The following MICALL1 variants were observed in gnomAD, a reference collection of about 807,000 sequenced individuals.
MICALL1 encodes MICAL like 1.
Under a neutral mutation model 83.7 loss-of-function variants are expected in MICALL1, and 61 were observed. That is an observed-to-expected ratio of 0.73 (90% CI 0.59 to 0.90). The LOEUF is 0.90. Ranked by LOEUF, MICALL1 falls within the 40% of genes least tolerant of loss-of-function variation. The pLI is 0.00. For missense variants in MICALL1, 1,066 were observed against 1,152.0 expected (o/e 0.93, Z 1.08); for synonymous variants, 481 against 473.6 (o/e 1.02, Z -0.20).
At position 37,932,061 on chromosome 22, in the gene MICALL1, A is replaced by G; in HGVS notation, c.2016+128A>G. On this transcript the variant is annotated intron_variant, in intron 10 of 15. Transcript: ENST00000215957. This position sits in a 1 kb window ranked among gnomAD's most constrained non-coding sequence, Gnocchi z 4.4. Reference sequence around the variant, plus strand: ...GCAGTGGGCCTCAGATGCTCAAGAGAGCACTCTTGGCGGCCCAACTGGAAG... The same window carrying G: ...GCAGTGGGCCTCAGATGCTCAAGAGGGCACTCTTGGCGGCCCAACTGGAAG... 7.2e-7 allele frequency: 1 copy of G among 1,389,988 alleles called. No individual in the cohort carries two copies. Among genetic ancestry groups the G allele is most frequent in the African/African-American group, 1.4e-5 (1 of 68,996 alleles). The allele number at this position is 1,389,988 out of a possible 1,614,324, so 86.1% of individuals were successfully genotyped here. A position where few individuals can be genotyped will look rare whatever the true frequency, so the allele number is the denominator to read the frequency against.
chr22:37,921,908 AG>A, intron 5 of MICALL1, 63 bp from the exon 6 acceptor site: 1 of 1,462,114 alleles, frequency 6.8e-7, no homozygotes, highest in Non-Finnish European at 9.2e-7. Flanking sequence ...GTGCGGCTGG[AG>A]GGGTAGCCAG....
chr22:37,932,597 G>T lies in MICALL1; in HGVS notation c.2061G>T (p.Glu687Asp). The change falls in exon 11 of 16, where the codon GAG (glutamate) becomes GAT (aspartate). Residue 687 changes from glutamate (E) to aspartate (D), a missense_variant. Coordinates refer to ENST00000215957, the MANE Select transcript of MICALL1 (RefSeq NM_033386.4). This position sits in a 1 kb window ranked among gnomAD's most constrained non-coding sequence, Gnocchi z 4.4. The stretch of plus-strand genomic sequence containing the variant: ...TCCCTGAGGAGGACATCCATGGAGA[G>T]ATGGATACCATTGAGCGCCGGCTGG... ...QYIPEEDIHG[E>D]MDTIERRLDA... 4 of 1,614,196 alleles carry T rather than the reference G, an allele frequency of 2.5e-6. No homozygotes were observed. Among genetic ancestry groups the T allele is most frequent in the Non-Finnish European group, 3.4e-6 (4 of 1,180,026 alleles).
chr22:37,912,632 C>A, intron 3 of MICALL1, 140 bp downstream of exon 3: 11 of 696,292 alleles, frequency 1.6e-5, no homozygotes, highest in Non-Finnish European at 2.1e-5. Flanking sequence ...TTAATTCACT[C>A]ATTGAAATAT....
rs577321377 is a variant in MICALL1 at position 37,919,017 on chromosome 22, C to T, written c.427-19C>T. 103 of 1,534,490 alleles carry T rather than the reference C, an allele frequency of 6.7e-5. No homozygotes were observed. In the East Asian group the frequency reaches 2.3e-3, roughly 34 times the overall value. The stretch of plus-strand genomic sequence containing the variant: ...TGACCATGTCCTGCTCCCAACCTCC[C>T]CCACCTCGTTCTCTGCAGGGCGAGG... On this transcript the variant is annotated intron_variant, in intron 4 of 15. Coordinates refer to ENST00000215957, the MANE Select transcript of MICALL1 (RefSeq NM_033386.4).
At chr22:37,922,536 G>A (rs1929117944) in intron 6 of MICALL1, 110 bp downstream of exon 6, 2 of 690,862 alleles carry the variant, frequency 2.9e-6, no homozygotes, top group South Asian at 2.0e-5. Context: ...GTGCCATTGT[G>A]TGCTGTGCTG....
intron 9 of MICALL1, 144 bp from the exon 10 acceptor site, chr22:37,931,655 G>A (rs1236004092): frequency 1.2e-5 from 11 of 909,660 alleles, no homozygotes; most frequent in African/African-American, 3.3e-5. Flanking sequence ...CATCAGAGAC[G>A]GAATTCAAGG....
chr22:37,937,793 G>T lies in MICALL1; in HGVS notation c.2470+1G>T, dbSNP rs1350268483. On this transcript the variant is annotated splice_donor_variant, in intron 15 of 15. Coordinates refer to ENST00000215957, the MANE Select transcript of MICALL1 (RefSeq NM_033386.4). LOFTEE classifies it high-confidence loss of function. ...TTGGAAGCCATGATCAAGAAGAAAG[G>T]TGAGGCCCTTGCTGGGGATGAGGCT... 1 of 1,613,508 alleles carries T rather than the reference G, an allele frequency of 6.2e-7. No homozygotes were observed. Among genetic ancestry groups the T allele is most frequent in the Non-Finnish European group, 8.5e-7 (1 of 1,179,556 alleles).
rs776672075 is a variant in MICALL1, at chr22:37,927,659, G to A, written c.1714G>A (p.Glu572Lys). Residue 572 changes from glutamate to lysine, a missense_variant, in exon 9 of 16, where the codon GAA (glutamate) becomes AAA (lysine). Coordinates refer to ENST00000215957, the MANE Select transcript of MICALL1 (RefSeq NM_033386.4). ...TGGGGAACTAGTGGAGCCTAGAGTGGAACAAATGCCTCAAGCCAGCCCTGG... is the reference window on the plus strand; with the variant it reads ...TGGGGAACTAGTGGAGCCTAGAGTGAAACAAATGCCTCAAGCCAGCCCTGG... ...SSGELVEPRV[E>K]QMPQASPGLA... 3 of 1,614,152 alleles carry A rather than the reference G, an allele frequency of 1.9e-6. No individual in the cohort carries two copies. Among genetic ancestry groups the A allele is most frequent in the East Asian group, 2.2e-5 (1 of 44,862 alleles).
chr22:37,919,030 C>G lies in MICALL1; in HGVS notation c.427-6C>G. 6.5e-7 allele frequency: 1 copy of G among 1,546,524 alleles called. No individual in the cohort carries two copies. Among genetic ancestry groups the G allele is most frequent in the Middle Eastern group, 1.7e-4 (1 of 5,982 alleles). ...CTCCCAACCTCCCCCACCTCGTTCTCTGCAGGGCGAGGAGCTCTCCTCAGG... is the reference window on the plus strand; with the variant it reads ...CTCCCAACCTCCCCCACCTCGTTCTGTGCAGGGCGAGGAGCTCTCCTCAGG... On this transcript the variant is annotated splice_polypyrimidine_tract_variant and splice_region_variant and intron_variant, in intron 4 of 15. Transcript: ENST00000215957.
chr22:37,915,385 A>G (rs888600327), intron 3 of MICALL1, among the ~76,000 whole-genome samples: 2 of 152,220 alleles, frequency 1.3e-5, no homozygotes, highest in East Asian at 1.9e-4. Context: ...TGTATATTTT[A>G]ATAGAAAACA....
rs749876730 is a variant in MICALL1, at chr22:37,912,376, T to TG, written c.225dup (p.Ile76AspfsTer9). On this transcript the variant is annotated frameshift_variant, in exon 3 of 16. Transcript: ENST00000215957. LOFTEE classifies it high-confidence loss of function. Reference sequence around the variant, plus strand: ...GCCTTTGAAGTGGCTGAGAAGGAGCTGGGGATCCCCGCTCTCCTGGACCCC... The same window carrying TG: ...GCCTTTGAAGTGGCTGAGAAGGAGCTGGGGGATCCCCGCTCTCCTGGACCCC... 6.2e-7 allele frequency: 1 copy of TG among 1,613,312 alleles called. No individual in the cohort carries two copies. The highest frequency in any genetic ancestry group is 8.5e-7 in the Non-Finnish European group (1 of 1,179,380).
At position 37,924,839 on chromosome 22, in the gene MICALL1, A is replaced by T. The variant is rs982238486; in HGVS notation, c.1082+122A>T. 45 of 946,642 alleles carry T rather than the reference A, an allele frequency of 4.8e-5. No homozygotes were observed. The African/African-American group carries it at 7.0e-4, about 15-fold the overall frequency. 58.6% of individuals were successfully genotyped at this position (946,642 alleles called of 1,614,324 possible). On this transcript the variant is annotated intron_variant, in intron 7 of 15. Transcript: ENST00000215957. This position sits in a 1 kb window ranked among gnomAD's most constrained non-coding sequence, Gnocchi z 5.2. ...TGGGCAGGGCGGGGCTCAGGAGGGG[A>T]AGGAGAGCTGGGCCCACACCCCTTC...
rs770406413 is a variant in MICALL1 at position 37,940,772 on chromosome 22, T to A, written c.2534T>A (p.Leu845Ter). ...GGGAAGTTCAAGACCATGAAGATGT[T>A]GAAACTGCTAGGAAACAAACGTGAT... ...KKGKFKTMKM[L>*]KLLGNKRDAK... Residue 845 changes from leucine to a stop codon, truncating the protein, a stop_gained, in exon 16 of 16, where the codon TTG becomes TAG. Transcript: ENST00000215957. LOFTEE classifies it high-confidence loss of function. 1 of 1,614,114 alleles carries A rather than the reference T, an allele frequency of 6.2e-7. No homozygotes were observed. The highest frequency in any genetic ancestry group is 8.5e-7 in the Non-Finnish European group (1 of 1,179,996).
In MICALL1 at chr22:37,927,591, G is replaced by A; in HGVS notation, c.1646G>A (p.Gly549Glu). ...EPAVHAPGTP[G>E]NPVSLSTNSS... is the part of the protein sequence containing the mutation. Reference sequence around the variant, plus strand: ...GCTGTCCATGCCCCTGGTACCCCTGGAAACCCTGTCAGCCTCTCTACCAAC... The same window carrying A: ...GCTGTCCATGCCCCTGGTACCCCTGAAAACCCTGTCAGCCTCTCTACCAAC... The change falls in exon 9 of 16, where the codon GGA becomes GAA. Residue 549 changes from glycine to glutamate, a missense_variant. Coordinates refer to ENST00000215957, the MANE Select transcript of MICALL1 (RefSeq NM_033386.4). 1.2e-6 allele frequency: 2 copies of A among 1,613,468 alleles called. No individual in the cohort carries two copies. Among genetic ancestry groups the A allele is most frequent in the Non-Finnish European group, 1.7e-6 (2 of 1,179,440 alleles).
Position 37,926,088 on chromosome 22 carries a change from G to A in MICALL1, c.1465+45G>A, listed in dbSNP as rs762993525. ...CTCTCCTGACAGTCGGAACTCGGGG[G>A]TGGGGCCCGGGCCTGGGGAGGGGGT... On this transcript the variant is annotated intron_variant, in intron 8 of 15. Transcript: ENST00000215957. The A allele has an allele frequency of 2.0e-6, 3 of 1,535,492 alleles. No individual in the cohort carries two copies. In the South Asian group the frequency reaches 3.7e-5, roughly 19 times the overall value.
In MICALL1 at chr22:37,942,103, G is replaced by A. The variant is rs930798126; in HGVS notation, c.*1273G>A. 6 of 152,300 alleles carry A rather than the reference G, an allele frequency of 3.9e-5. No individual in the cohort carries two copies. Among genetic ancestry groups the A allele is most frequent in the African/African-American group, 4.8e-5 (2 of 41,466 alleles). The allele number at this position is 152,300 out of a possible 1,614,324, so 9.4% of individuals were successfully genotyped here. ...GGCTGAACATCTCTGGTCGCCCAGA[G>A]GCCATGTTGGGGCCATCCTCCAAGA... On this transcript the variant is annotated 3_prime_UTR_variant, in exon 16 of 16. Coordinates refer to ENST00000215957, the MANE Select transcript of MICALL1 (RefSeq NM_033386.4).
intron 6 of MICALL1, 21 bp downstream of exon 6, chr22:37,922,447 G>C: frequency 6.7e-7 from 1 of 1,483,372 alleles, no homozygotes; most frequent in South Asian, 1.3e-5. Context: ...TGCAGTCAGG[G>C]CAGGGGGCAC....
chr22:37,933,067 C>T lies in MICALL1; in HGVS notation c.2263C>T (p.Gln755Ter). Residue 755 changes from glutamine (Q) to a stop codon, truncating the protein, a stop_gained, in exon 13 of 16, where the codon CAG (glutamine) becomes TAG (stop). Coordinates refer to ENST00000215957, the MANE Select transcript of MICALL1 (RefSeq NM_033386.4). LOFTEE classifies it high-confidence loss of function. The stretch of plus-strand genomic sequence containing the variant: ...CAAGCAGCAGAACCTGGAGCAGCGC[C>T]AGGCTGATGTCGAGTATGAGCTCCG... ...VFKQQNLEQR[Q>*]ADVEYELRCL... The T allele has an allele frequency of 6.2e-7, 1 of 1,614,030 alleles. No homozygotes were observed. The highest frequency in any genetic ancestry group is 8.5e-7 in the Non-Finnish European group (1 of 1,180,018).
rs1330439357 is a variant in MICALL1 at position 37,930,431 on chromosome 22, A to G, written c.1882-1368A>G. On this transcript the variant is annotated intron_variant, in intron 9 of 15. Coordinates refer to ENST00000215957, the MANE Select transcript of MICALL1 (RefSeq NM_033386.4). The surrounding 1 kb of genome is among the most constrained non-coding windows in gnomAD (Gnocchi z 4.8). ...TGGGCCCCAGCACCCTCCCTGCTTC[A>G]GAAACCCCAGAGCAGCTCCCACCCC... Among the ~76,000 whole-genome samples the G allele has an allele frequency of 2.0e-5, 3 of 152,128 alleles. No homozygotes were observed. Among genetic ancestry groups the G allele is most frequent in the Non-Finnish European group, 2.9e-5 (2 of 68,012 alleles).
Sources: allele counts gnomAD v4.1 joint callset (sites outside exome capture counted in the v4.1 genomes callset), GRCh38; gene constraint gnomAD v4.1.1; non-coding constraint Gnocchi (gnomAD v3.1); transcripts MANE v1.5; gene names NCBI Gene and HGNC (gene_info 2026-07-23, HGNC 2026-07-21).